Variants in CMIP observed in about 807,000 individuals in gnomAD.
The protein encoded by CMIP is c-Maf inducing protein.
Under a neutral mutation model 97.3 loss-of-function variants are expected in CMIP, and 13 were observed. The observed-to-expected ratio is 0.13, with a 90% CI of 0.09 to 0.21. The LOEUF (loss-of-function observed/expected upper bound fraction) is 0.21. Among genes scored for constraint, CMIP ranks in the 10% least tolerant of loss-of-function variants. The pLI is 1.00. For synonymous variants in CMIP, 538 were observed against 436.3 expected, an observed-to-expected ratio of 1.23 and a Z score of -2.91; for missense variants, 847 against 1,024.9, an observed-to-expected ratio of 0.83 and a Z score of 2.37.
chr16:81,692,871 A>G (rs1420468375), intron 11 of CMIP, among the ~76,000 whole-genome samples: 5 of 152,140 alleles, frequency 3.3e-5, no homozygotes, highest in Admixed American at 2.0e-4. Context: ...GCACCCACAC[A>G]TGCTCAGGCA....
chr16:81,703,463 A>G (rs78706581), intron 17 of CMIP, among the ~76,000 whole-genome samples: 13,055 of 152,024 alleles, frequency 0.086, 624 homozygotes, highest in East Asian at 0.16. Context: ...ACACACCCTG[A>G]TGCACAGACA....
At chr16:81,584,064 A>G (rs1044677160) in intron 1 of CMIP, among the ~76,000 whole-genome samples, 1 of 152,220 alleles carries the variant, frequency 6.6e-6, no homozygotes, top group African/African-American at 2.4e-5. Flanking sequence ...CTGGTGACTC[A>G]CTAGATTCAA....
intron 10 of CMIP, among the ~76,000 whole-genome samples, chr16:81,687,305 C>A (rs1369080701): frequency 6.6e-6 from 1 of 152,200 alleles, no homozygotes; most frequent in Admixed American, 6.5e-5. Flanking sequence ...TGGTCAGAAG[C>A]TGGGGAACAC....
At chr16:81,703,765 C>T (rs1907697706) in intron 17 of CMIP, 174 bp from the exon 18 acceptor site, 1 of 793,286 alleles carries the variant, frequency 1.3e-6, no homozygotes, top group African/African-American at 1.8e-5. Flanking sequence ...TCTCTGGCCA[C>T]CCCCTTGGCC....
rs776178667 is a variant in CMIP, at chr16:81,678,385, C to T, written c.1145C>T (p.Ser382Phe). Residue 382 changes from serine (S) to phenylalanine (F), a missense_variant, in exon 10 of 21, where the codon TCT (serine) becomes TTT (phenylalanine). Around this residue, in one of 4 missense-constraint regions of CMIP, gnomAD observed 202 missense variants for 168.7 expected, o/e 1.20. Coordinates refer to ENST00000537098, the MANE Select transcript of CMIP (RefSeq NM_198390.3). ...RLLHPSPDLV[S>F]QEATLSEARL... ...CTGCACCCCAGCCCGGACCTGGTGT[C>T]TCAGGAAGCCACGCTGTCTGAGGCC... 1.9e-5 allele frequency: 30 copies of T among 1,610,772 alleles called. No homozygotes were observed. The highest frequency in any genetic ancestry group is 2.5e-5 in the Non-Finnish European group (29 of 1,178,730).
At chr16:81,547,772 G>C (rs954263298) in intron 1 of CMIP, among the ~76,000 whole-genome samples, 1 of 152,190 alleles carries the variant, frequency 6.6e-6, no homozygotes, top group Non-Finnish European at 1.5e-5. Flanking sequence ...GGAGAGGCTG[G>C]CTCACAGTTG....
chr16:81,708,022 C>A (rs1908343111), intron 20 of CMIP, among the ~76,000 whole-genome samples: 1 of 152,250 alleles, frequency 6.6e-6, no homozygotes, highest in Non-Finnish European at 1.5e-5. Context: ...GCTTCTGGAG[C>A]CTCTGCTGTG....
In CMIP at chr16:81,702,684, TTC is replaced by T; in HGVS notation, c.1944+19_1944+20del. The T allele has an allele frequency of 1.2e-6, 2 of 1,611,920 alleles. No individual in the cohort carries two copies. Among genetic ancestry groups the T allele is most frequent in the Non-Finnish European group, 1.7e-6 (2 of 1,178,680 alleles). ...CCAAGTCCACAGTGAGTTGGTTTGG[TTC>T]TCTTTGGGGCTGGATGGAGAAGGTG... is the stretch of plus-strand genomic sequence containing the variant. On this transcript the variant is annotated intron_variant, in intron 17 of 20. Transcript: ENST00000537098.
intron 1 of CMIP, among the ~76,000 whole-genome samples, chr16:81,536,298 G>C (rs115324517): frequency 6.6e-6 from 1 of 152,134 alleles, no homozygotes. Flanking sequence ...GTGGCAATTG[G>C]AAGTCTTCAT....
At chr16:81,624,192 C>T (rs1245421237) in intron 3 of CMIP, among the ~76,000 whole-genome samples, 1 of 149,968 alleles carries the variant, frequency 6.7e-6, no homozygotes, top group Non-Finnish European at 1.5e-5. Flanking sequence ...ACCACCTCAG[C>T]TTGAATTTTT....
intron 1 of CMIP, among the ~76,000 whole-genome samples, chr16:81,601,486 T>G (rs2091656650): frequency 6.6e-6 from 1 of 152,148 alleles, no homozygotes. Context: ...TGGTTTGGAA[T>G]GCCAGTTCTG....
chr16:81,631,091 A>G (rs1355672821), intron 3 of CMIP: 1 of 152,334 alleles, frequency 6.6e-6, no homozygotes, highest in Non-Finnish European at 1.5e-5. Context: ...GATTGAAACT[A>G]ACAAGTGGCA....
At chr16:81,517,960 T>C in intron 1 of CMIP, 2 of 971,364 alleles carry the variant, frequency 2.1e-6, no homozygotes, top group Non-Finnish European at 2.4e-6. Context: ...TGAACGCCAG[T>C]GGATGTGTGG....
intron 1 of CMIP, among the ~76,000 whole-genome samples, chr16:81,598,500 C>A (rs553907819): frequency 4.6e-5 from 7 of 152,196 alleles, no homozygotes; most frequent in African/African-American, 9.7e-5. Context: ...AGTATCAACT[C>A]ATTTAGGCTA....
intron 1 of CMIP, among the ~76,000 whole-genome samples, chr16:81,473,154 C>T (rs944273958): frequency 6.6e-6 from 1 of 152,264 alleles, no homozygotes; most frequent in Non-Finnish European, 1.5e-5. Flanking sequence ...GCCTTCAGCT[C>T]CTGCTGCACT....
intron 1 of CMIP, among the ~76,000 whole-genome samples, chr16:81,547,949 C>T (rs2090579615): frequency 6.6e-6 from 1 of 152,188 alleles, no homozygotes; most frequent in Non-Finnish European, 1.5e-5. Flanking sequence ...CAACTCGCAG[C>T]CTCTGATCCC....
chr16:81,491,973 T>C (rs545044969), intron 1 of CMIP, among the ~76,000 whole-genome samples: 1 of 152,346 alleles, frequency 6.6e-6, no homozygotes, highest in African/African-American at 2.4e-5. Context: ...TGTCACACCA[T>C]TTTTCATGAA....
intron 7 of CMIP, chr16:81,667,330 A>G (rs1313298479): frequency 1.3e-5 from 2 of 152,232 alleles, no homozygotes; most frequent in African/African-American, 4.8e-5. Context: ...TAATTCGCCA[A>G]ACTGCGTTCT....
chr16:81,679,600 C>T (rs947398861), intron 10 of CMIP, among the ~76,000 whole-genome samples: 1 of 151,736 alleles, frequency 6.6e-6, no homozygotes, highest in African/African-American at 2.4e-5. Context: ...TATGTGTGCA[C>T]ATTGGTGTTG....
Sources: gnomAD v4.1 joint callset for allele counts (sites outside exome capture counted in the v4.1 genomes callset) on GRCh38, gnomAD v4.1.1 for gene constraint, gnomAD v4.1.1 regional missense constraint, MANE v1.5 for transcripts, NCBI Gene and HGNC (gene_info 2026-07-23, HGNC 2026-07-21) for gene names.